Variants in CPXM2 observed in about 807,000 individuals in gnomAD.
CPXM2 encodes the protein inactive carboxypeptidase-like protein X2.
Under a neutral mutation model 86.1 loss-of-function variants are expected in CPXM2, and 66 were observed. The ratio of observed to expected loss-of-function variants is 0.77; its 90% confidence interval spans 0.63 to 0.94. The LOEUF (loss-of-function observed/expected upper bound fraction) is 0.94, where lower values mean the gene tolerates loss of function less well. CPXM2 is among the 40% of genes least tolerant of loss of function. The pLI is 0.00. For synonymous variants in CPXM2, 388 were observed against 400.2 expected (o/e 0.97, Z 0.36); for missense variants, 948 against 1,026.3 (o/e 0.92, Z 1.04).
chr10:123,794,530 G>GAAA, intron 6 of CPXM2, among the ~76,000 whole-genome samples: 2 of 152,254 alleles, frequency 1.3e-5, no homozygotes, highest in East Asian at 3.9e-4. Context: ...CCAAGGCCAT[G>GAAA]ACCATCTGGC....
chr10:123,875,790 G>GTTTCT (rs915515055), intron 2 of CPXM2, among the ~76,000 whole-genome samples: 9 of 112,862 alleles, frequency 8.0e-5, no homozygotes, highest in Middle Eastern at 5.3e-3. Context: ...AGGAGATCAT[G>GTTTCT]TTTCTTTCTT....
chr10:123,830,870 C>CTGTGTGTGTG lies in CPXM2; in HGVS notation c.653+11478_653+11479insCACACACACA, dbSNP rs1431527812. 5.7e-3 allele frequency among the ~76,000 whole-genome samples: 585 copies of CTGTGTGTGTG among 102,618 alleles called. 2 individuals carry two copies. Among genetic ancestry groups the CTGTGTGTGTG allele is most frequent in the East Asian group, 0.026 (73 of 2,794 alleles). 67.3% of individuals were successfully genotyped at this position (102,618 alleles called of 152,430 possible). A position where few individuals can be genotyped will look rare whatever the true frequency, so the allele number is the denominator to read the frequency against. On this transcript the variant is annotated intron_variant, in intron 4 of 13. Coordinates refer to ENST00000241305, the MANE Select transcript of CPXM2 (RefSeq NM_198148.3). ...TGCACTCATCTCTCTCTCTCTCTCTCTCTGTGTGTGTGTGTGTGTGTGTGT... is the reference window on the plus strand; with the variant it reads ...TGCACTCATCTCTCTCTCTCTCTCTCTGTGTGTGTGTCTGTGTGTGTGTGTGTGTGTGTGT...
chr10:123,844,340 C>T (rs1186697553), intron 3 of CPXM2, among the ~76,000 whole-genome samples: 2 of 151,974 alleles, frequency 1.3e-5, no homozygotes, highest in Admixed American at 6.6e-5. Flanking sequence ...AAAGGGTACA[C>T]TAGTCTTGAA....
intron 6 of CPXM2, among the ~76,000 whole-genome samples, chr10:123,784,943 C>G (rs1373838902): frequency 6.6e-6 from 1 of 152,188 alleles, no homozygotes; most frequent in Admixed American, 6.5e-5. Context: ...CAGGAAATAT[C>G]CTTTCCATTC....
chr10:123,835,360 T>C (rs1332035021), intron 4 of CPXM2, among the ~76,000 whole-genome samples: 3 of 152,190 alleles, frequency 2.0e-5, no homozygotes, highest in Non-Finnish European at 4.4e-5. Context: ...TGAGAGCTCA[T>C]GCCTTCATCA....
chr10:123,761,469 C>A (rs1029768379), intron 11 of CPXM2, among the ~76,000 whole-genome samples: 6 of 152,202 alleles, frequency 3.9e-5, no homozygotes, highest in African/African-American at 1.4e-4. Context: ...CCAGCATGCT[C>A]TCCACCCCTT....
intron 12 of CPXM2, among the ~76,000 whole-genome samples, chr10:123,756,440 A>C (rs1846213793): frequency 6.6e-6 from 1 of 152,160 alleles, no homozygotes; most frequent in South Asian, 2.1e-4. Context: ...CAGCGGAGGC[A>C]GCAGCAGCCC....
intron 4 of CPXM2, among the ~76,000 whole-genome samples, chr10:123,819,631 T>G (rs1847884672): frequency 6.6e-6 from 1 of 152,236 alleles, no homozygotes; most frequent in South Asian, 2.1e-4. Context: ...TAAGTATTGT[T>G]AACTTTATGT....
chr10:123,934,849 C>T (rs548365544), intron 2 of CPXM2, among the ~76,000 whole-genome samples: 2 of 152,276 alleles, frequency 1.3e-5, no homozygotes, highest in East Asian at 1.9e-4. Flanking sequence ...CTCCCACTAG[C>T]TGTGTTGGAT....
At chr10:123,882,353 C>G (rs1473163152) in intron 1 of CPXM2, among the ~76,000 whole-genome samples, 1 of 152,186 alleles carries the variant, frequency 6.6e-6, no homozygotes, top group Non-Finnish European at 1.5e-5. Context: ...CCCGACACTG[C>G]TTTGGCCTGT....
At chr10:123,876,748 A>G (rs1382164323) in intron 2 of CPXM2, among the ~76,000 whole-genome samples, 1 of 152,224 alleles carries the variant, frequency 6.6e-6, no homozygotes, top group African/African-American at 2.4e-5. Flanking sequence ...GTTCTAAGGC[A>G]CACAAAAGAC....
At chr10:123,765,633 G>A (rs976757163) in intron 10 of CPXM2, among the ~76,000 whole-genome samples, 1 of 152,222 alleles carries the variant, frequency 6.6e-6, no homozygotes, top group Admixed American at 6.5e-5. Context: ...AGCAGATTTA[G>A]AAGATGGAAG....
At chr10:123,943,920 C>A (rs529493312), upstream of CPXM2, among the ~76,000 whole-genome samples, 13 of 152,324 alleles carry the variant, frequency 8.5e-5, no homozygotes, top group African/African-American at 3.1e-4. Flanking sequence ...GTATTTGTAT[C>A]TCCAGAGCTG....
rs1231005915 is a variant in CPXM2, at chr10:123,762,117, A to G, written c.1532T>C (p.Val511Ala). 1.2e-6 allele frequency: 2 copies of G among 1,614,172 alleles called. No homozygotes were observed. Among genetic ancestry groups the G allele is most frequent in the Admixed American group, 3.3e-5 (2 of 60,020 alleles). Residue 511 changes from valine (V) to alanine (A), a missense_variant, in exon 11 of 14, where the codon GTG becomes GCG. Transcript: ENST00000241305. ...GCCGCCCTGCAGGTTGCCGCCCAGC[A>G]CAAAAGGGATTTTTTCCATCCAGGC... is the stretch of plus-strand genomic sequence containing the variant. ...VIAWMEKIPF[V>A]LGGNLQGGEL...
chr10:123,871,070 C>T (rs1048374478), intron 2 of CPXM2, among the ~76,000 whole-genome samples: 6 of 152,188 alleles, frequency 3.9e-5, no homozygotes, highest in African/African-American at 7.2e-5. Flanking sequence ...GGAGTCAGCC[C>T]GGAGCCTCAG....
At chr10:123,765,083 G>A (rs1325683731) in intron 10 of CPXM2, among the ~76,000 whole-genome samples, 1 of 152,020 alleles carries the variant, frequency 6.6e-6, no homozygotes, top group Non-Finnish European at 1.5e-5. Flanking sequence ...TTGTATGGTG[G>A]TGAGACAAGG....
chr10:123,748,660 TG>T (rs1298378798), intron 13 of CPXM2, among the ~76,000 whole-genome samples: 1 of 152,094 alleles, frequency 6.6e-6, no homozygotes, highest in South Asian at 2.1e-4. Context: ...CGCTGTGTGC[TG>T]GGTCTTTTTT....
At chr10:123,761,109 G>C (rs1846325592) in intron 11 of CPXM2, among the ~76,000 whole-genome samples, 1 of 152,172 alleles carries the variant, frequency 6.6e-6, no homozygotes, top group Admixed American at 6.5e-5. Flanking sequence ...CATGTGGACC[G>C]CGGGGCCCTC....
intron 2 of CPXM2, among the ~76,000 whole-genome samples, chr10:123,864,706 G>C (rs1426932919): frequency 1.3e-5 from 2 of 152,142 alleles, no homozygotes; most frequent in Admixed American, 1.3e-4. Context: ...TGGACAGGCA[G>C]ACATATATAG....
Sources: gnomAD v4.1 joint callset for allele counts (sites outside exome capture counted in the v4.1 genomes callset) on GRCh38, gnomAD v4.1.1 for gene constraint, MANE v1.5 for transcripts, NCBI Gene and HGNC (gene_info 2026-07-23, HGNC 2026-07-21) for gene names.